Variants in MAML2 observed in about 807,000 individuals in gnomAD.
MAML2 encodes mastermind-like protein 2.
In MAML2, 22 loss-of-function variants were observed where a neutral mutation model predicts 96.1. That is an observed-to-expected ratio of 0.23 (90% CI 0.16 to 0.33). The LOEUF is 0.33. MAML2 is among the 10% of genes least tolerant of loss of function. The pLI, the probability that MAML2 is intolerant of heterozygous loss-of-function variation, is 1.00. For missense variants in MAML2, 1,367 were observed against 1,392.4 expected (o/e 0.98, Z 0.29); for synonymous variants, 561 against 521.3 (o/e 1.08, Z -1.04).
chr11:96,047,093 T>C (rs1259709693), intron 2 of MAML2, among the ~76,000 whole-genome samples: 1 of 152,194 alleles, frequency 6.6e-6, no homozygotes, highest in Non-Finnish European at 1.5e-5. Flanking sequence ...TTTTTACATG[T>C]CTAAGTTTGC....
At chr11:96,296,851 T>C (rs1375463957) in intron 1 of MAML2, among the ~76,000 whole-genome samples, 3 of 152,276 alleles carry the variant, frequency 2.0e-5, no homozygotes, top group Non-Finnish European at 4.4e-5. Flanking sequence ...CCTTGAATGA[T>C]AAGGAAAAAC....
At chr11:96,045,329 T>G (rs1858879578) in intron 2 of MAML2, among the ~76,000 whole-genome samples, 1 of 152,196 alleles carries the variant, frequency 6.6e-6, no homozygotes, top group Non-Finnish European at 1.5e-5. Context: ...AGAAAAGAAC[T>G]GAGGCTAAGA....
chr11:96,212,090 G>A (rs1328374270), intron 1 of MAML2, among the ~76,000 whole-genome samples: 2 of 147,668 alleles, frequency 1.4e-5, no homozygotes, highest in East Asian at 2.0e-4. Flanking sequence ...ATTAATTTAG[G>A]CTATAAAAGG....
intron 2 of MAML2, among the ~76,000 whole-genome samples, chr11:96,036,879 C>T (rs1200048935): frequency 6.6e-6 from 1 of 152,172 alleles, no homozygotes; most frequent in Non-Finnish European, 1.5e-5. Context: ...TTTAAAAACA[C>T]CAGTGGGTTT....
At chr11:96,325,057 G>T (rs540635915) in intron 1 of MAML2, among the ~76,000 whole-genome samples, 1 of 152,152 alleles carries the variant, frequency 6.6e-6, no homozygotes, top group East Asian at 1.9e-4. Flanking sequence ...TTCTAGACTT[G>T]GTGTGCCCTG....
chr11:96,235,548 T>C (rs1234226237), intron 1 of MAML2, among the ~76,000 whole-genome samples: 1 of 152,236 alleles, frequency 6.6e-6, no homozygotes. Context: ...CTATGTGACT[T>C]TGGGCCAGTA....
intron 1 of MAML2, among the ~76,000 whole-genome samples, chr11:96,233,985 A>G (rs1294888383): frequency 6.6e-6 from 1 of 152,174 alleles, no homozygotes; most frequent in Non-Finnish European, 1.5e-5. Context: ...CTCAGTCAGC[A>G]CTGTCTCCAT....
intron 1 of MAML2, among the ~76,000 whole-genome samples, chr11:96,246,289 A>G (rs1036535554): frequency 6.6e-6 from 1 of 152,148 alleles, no homozygotes; most frequent in African/African-American, 2.4e-5. Flanking sequence ...TCCCTTCAAC[A>G]GGCATTTTTT....
chr11:96,068,633 C>A (rs549704583), intron 2 of MAML2, among the ~76,000 whole-genome samples: 1 of 152,138 alleles, frequency 6.6e-6, no homozygotes, highest in East Asian at 1.9e-4. Flanking sequence ...TCGAGACCAT[C>A]CTGGCTAACA....
intron 2 of MAML2, among the ~76,000 whole-genome samples, chr11:96,057,002 C>A (rs1859080572): frequency 6.6e-6 from 1 of 152,170 alleles, no homozygotes; most frequent in South Asian, 2.1e-4. Context: ...TGTAGACTTT[C>A]AATGATCTAG....
At chr11:96,313,250 C>T (rs1863571955) in intron 1 of MAML2, among the ~76,000 whole-genome samples, 1 of 152,162 alleles carries the variant, frequency 6.6e-6, no homozygotes, top group Non-Finnish European at 1.5e-5. Flanking sequence ...TAGTCTAACT[C>T]TAAGAGGTTC....
chr11:96,266,093 G>T (rs1299791817), intron 1 of MAML2, among the ~76,000 whole-genome samples: 1 of 152,114 alleles, frequency 6.6e-6, no homozygotes, highest in Admixed American at 6.5e-5. Context: ...CCTAGACACT[G>T]CCCTGGTGTT....
rs1279818099 is a variant in MAML2 at position 95,977,281 on chromosome 11, T to C, written c.*1667A>G. 1 of 184,896 alleles carries C rather than the reference T, an allele frequency of 5.4e-6. No homozygotes were observed. The highest frequency in any genetic ancestry group is 2.3e-5 in the African/African-American group (1 of 42,654). 11.5% of individuals were successfully genotyped at this position (184,896 alleles called of 1,614,324 possible). ...TATGTTTGAAGTATTTCTACCAAAA[T>C]ATTCTTTACAAAAGTTTACAAAACA... On this transcript the variant is annotated 3_prime_UTR_variant, in exon 5 of 5. Coordinates refer to ENST00000524717, the MANE Select transcript of MAML2 (RefSeq NM_032427.4).
intron 1 of MAML2, among the ~76,000 whole-genome samples, chr11:96,097,398 C>A (rs1036689734): frequency 2.0e-5 from 3 of 152,088 alleles, no homozygotes; most frequent in East Asian, 1.9e-4. Context: ...ACACTGTGGA[C>A]CTTTTGGGTG....
chr11:96,068,438 T>TCACTCACACACACACACA (rs1555004090), intron 2 of MAML2, among the ~76,000 whole-genome samples: 3 of 120,292 alleles, frequency 2.5e-5, no homozygotes, highest in Non-Finnish European at 3.5e-5. Flanking sequence ...GGAGCTTACT[T>TCACTCACACACACACACA]CACACACACA....
At chr11:96,301,231 T>C (rs1410660636) in intron 1 of MAML2, among the ~76,000 whole-genome samples, 1 of 152,226 alleles carries the variant, frequency 6.6e-6, no homozygotes, top group African/African-American at 2.4e-5. Flanking sequence ...AGTTGATTTC[T>C]TTTTCCTAGA....
intron 1 of MAML2, among the ~76,000 whole-genome samples, chr11:96,120,201 C>A (rs1291362816): frequency 6.6e-6 from 1 of 152,122 alleles, no homozygotes; most frequent in African/African-American, 2.4e-5. Flanking sequence ...TTGTGATCCG[C>A]CCTCCTCGGC....
In MAML2 at chr11:96,155,529, T is replaced by C. The variant is rs201027735; in HGVS notation, c.514-62012A>G. On this transcript the variant is annotated intron_variant, in intron 1 of 4. Transcript: ENST00000524717. Reference sequence around the variant, plus strand: ...ATTCAAATATATATATATATATATATATATATATATATATATATATATGAG... The same window carrying C: ...ATTCAAATATATATATATATATATACATATATATATATATATATATATGAG... 3.5e-3 allele frequency among the ~76,000 whole-genome samples: 246 copies of C among 69,614 alleles called. 16 individuals are homozygous for C. The highest frequency in any genetic ancestry group is 8.5e-3 in the South Asian group (14 of 1,646). 45.7% of individuals were successfully genotyped at this position (69,614 alleles called of 152,430 possible).
intron 2 of MAML2, among the ~76,000 whole-genome samples, chr11:96,026,361 T>C (rs952778796): frequency 6.6e-6 from 1 of 152,216 alleles, no homozygotes; most frequent in Admixed American, 6.5e-5. Context: ...CCTCTGTACA[T>C]TGAGATCATA....
Sources: gnomAD v4.1 joint callset for allele counts (sites outside exome capture counted in the v4.1 genomes callset) on GRCh38, gnomAD v4.1.1 for gene constraint, MANE v1.5 for transcripts, NCBI Gene and HGNC (gene_info 2026-07-23, HGNC 2026-07-21) for gene names.